Variants in RAP1GAP observed in about 807,000 individuals in gnomAD.
RAP1GAP encodes rap1 GTPase-activating protein 1.
Under a neutral mutation model 87.2 loss-of-function variants are expected in RAP1GAP, and 35 were observed. The ratio of observed to expected loss-of-function variants is 0.40; its 90% confidence interval spans 0.31 to 0.53. The LOEUF (loss-of-function observed/expected upper bound fraction) is 0.53. Among genes scored for constraint, RAP1GAP ranks in the 20% least tolerant of loss-of-function variants. The pLI, the probability that RAP1GAP is intolerant of heterozygous loss-of-function variation, is 0.48. For synonymous variants in RAP1GAP, 375 were observed against 363.9 expected (o/e 1.03, Z -0.35); for missense variants, 734 against 898.9 (o/e 0.82, Z 2.35).
chr1:21,599,707 GC>G, intron 20 of RAP1GAP, 90 bp from the exon 21 acceptor site: 1 of 1,507,178 alleles, frequency 6.6e-7, no homozygotes, highest in Non-Finnish European at 8.8e-7. Flanking sequence ...AACCCGGGAG[GC>G]CCAGCTGGTA....
intron 1 of RAP1GAP, 129 bp from the exon 2 acceptor site, chr1:21,649,925 G>A: frequency 1.1e-6 from 1 of 911,918 alleles, no homozygotes; most frequent in South Asian, 1.5e-5. Context: ...TTCTAAGGAT[G>A]CCTGATGCAG....
chr1:21,629,687 G>A (rs2093323887), intron 2 of RAP1GAP, among the ~76,000 whole-genome samples: 1 of 152,226 alleles, frequency 6.6e-6, no homozygotes. Context: ...GTAGAAGAGG[G>A]ACAGGAATGA....
rs2078142392 is a variant in RAP1GAP, at chr1:21,611,352, C to A, written c.843+100G>T. 1.2e-5 allele frequency: 17 copies of A among 1,443,850 alleles called. No individual in the cohort carries two copies. The South Asian group carries it at 2.1e-4, about 18-fold the overall frequency. 89.4% of individuals were successfully genotyped at this position (1,443,850 alleles called of 1,614,324 possible). On this transcript the variant is annotated intron_variant, in intron 13 of 24. Transcript: ENST00000374765. ...GGCGCTGATCATTTCCATCTCCATC[C>A]CAGGGCCCAGCGCTGAGCCTGGCGT...
intron 2 of RAP1GAP, among the ~76,000 whole-genome samples, chr1:21,644,626 G>A (rs796955989): frequency 1.8e-4 from 28 of 152,244 alleles, no homozygotes; most frequent in South Asian, 6.2e-4. Context: ...CTGGCCGGGC[G>A]CGGTGGCTCA....
chr1:21,612,400 C>T (rs529967384), intron 10 of RAP1GAP, among the ~76,000 whole-genome samples: 1 of 152,086 alleles, frequency 6.6e-6, no homozygotes, highest in Non-Finnish European at 1.5e-5. Context: ...TTGCTGTGAG[C>T]CCCAGTCCTG....
At chr1:21,664,346 G>A (rs1353819035) in intron 1 of RAP1GAP, among the ~76,000 whole-genome samples, 1 of 152,168 alleles carries the variant, frequency 6.6e-6, no homozygotes, top group Non-Finnish European at 1.5e-5. Flanking sequence ...CTCATTCCAG[G>A]CTAGTGGGCT....
chr1:21,605,497 C>G (rs1336979260), intron 18 of RAP1GAP, among the ~76,000 whole-genome samples: 1 of 152,206 alleles, frequency 6.6e-6, no homozygotes, highest in Non-Finnish European at 1.5e-5. Context: ...CAGGGCTGCG[C>G]ACACAGTAGG....
chr1:21,628,445 C>T (rs1044605495), intron 2 of RAP1GAP, among the ~76,000 whole-genome samples: 2 of 137,558 alleles, frequency 1.5e-5, no homozygotes, highest in African/African-American at 5.7e-5. Context: ...ACAGGCTGGG[C>T]GTGGTGGCTC....
chr1:21,617,155 G>A (rs1325767058), intron 7 of RAP1GAP, 151 bp downstream of exon 7: 61 of 836,772 alleles, frequency 7.3e-5, no homozygotes, highest in Non-Finnish European at 1.1e-4. Context: ...CTGGGGACTG[G>A]GAGTGTGTGT....
At chr1:21,620,723 C>T (rs11588121) in intron 3 of RAP1GAP, among the ~76,000 whole-genome samples, 4,776 of 152,288 alleles carry the variant, frequency 0.031, 117 homozygotes, top group Non-Finnish European at 0.043. Context: ...GCTGGCCCGG[C>T]TCGGGGCTGG....
chr1:21,651,837 CGCCCG>C, intron 1 of RAP1GAP: 1 of 1,176,030 alleles, frequency 8.5e-7, no homozygotes, highest in Non-Finnish European at 1.0e-6. Flanking sequence ...CCGCCGCCGC[CGCCCG>C]GCCCGGCCCG....
rs183391017 is a variant in RAP1GAP at position 21,644,238 on chromosome 1, C to A, written c.-113+5523G>T. Reference sequence around the variant, plus strand: ...GCACCTGCTGCTCCCTCTGTCTGGACACCCTGCCAGCTCCCCCATGGCCAG... The same window carrying A: ...GCACCTGCTGCTCCCTCTGTCTGGAAACCCTGCCAGCTCCCCCATGGCCAG... On this transcript the variant is annotated intron_variant, in intron 2 of 24. Coordinates refer to ENST00000374765, the MANE Select transcript of RAP1GAP (RefSeq NM_002885.4). 5.3e-5 allele frequency among the ~76,000 whole-genome samples: 8 copies of A among 152,320 alleles called. No individual in the cohort carries two copies. In the East Asian group the frequency reaches 1.5e-3, roughly 29 times the overall value.
chr1:21,635,376 C>G lies in RAP1GAP; in HGVS notation c.-112-8979G>C, dbSNP rs112796200. On this transcript the variant is annotated intron_variant, in intron 2 of 24. Coordinates refer to ENST00000374765, the MANE Select transcript of RAP1GAP (RefSeq NM_002885.4). The stretch of plus-strand genomic sequence containing the variant: ...CCACTCGGTCATCTACCCACTCCCC[C>G]ATCTGCCCTTCATTCCTCTGCTCAG... Among the ~76,000 whole-genome samples, 848 of 152,344 alleles carry G rather than the reference C, an allele frequency of 5.6e-3. 4 individuals carry two copies. The highest frequency in any genetic ancestry group is 8.8e-3 in the Non-Finnish European group (602 of 68,034).
In RAP1GAP at chr1:21,598,411, C is replaced by A; in HGVS notation, c.1868G>T (p.Gly623Val). The A allele has an allele frequency of 1.2e-6, 2 of 1,613,128 alleles. No homozygotes were observed. Among genetic ancestry groups the A allele is most frequent in the Middle Eastern group, 1.7e-4 (1 of 6,058 alleles). ...LEDSVSTTSGGSSPGPSRSPH... is the reference protein window; with the variant it reads ...LEDSVSTTSGVSSPGPSRSPH... The stretch of plus-strand genomic sequence containing the variant: ...CCTTGTCCTGGTACCTGGGGAGCTG[C>A]CCCCACTAGTGGTGCTGACACTGTC... The change falls in exon 22 of 25, where the codon GGC (glycine) becomes GTC (valine). Residue 623 changes from glycine (G) to valine (V), a missense_variant. Physicochemically the swap from Gly to Val is moderately radical, Grantham distance 109. Around this residue, in one of 2 missense-constraint regions of RAP1GAP, gnomAD observed 249 missense variants for 252.7 expected, o/e 0.99. Coordinates refer to ENST00000374765, the MANE Select transcript of RAP1GAP (RefSeq NM_002885.4).
intron 12 of RAP1GAP, 55 bp from the exon 13 acceptor site, chr1:21,611,636 A>G (rs2078385430): frequency 6.2e-7 from 1 of 1,613,522 alleles, no homozygotes; most frequent in South Asian, 1.1e-5. Context: ...CCAGGCCTCC[A>G]TGGGGCCAGG....
intron 2 of RAP1GAP, among the ~76,000 whole-genome samples, chr1:21,645,821 C>CCT (rs1431211361): frequency 6.6e-6 from 1 of 152,250 alleles, no homozygotes; most frequent in African/African-American, 2.4e-5. Flanking sequence ...ATGAGGCCAG[C>CCT]CTTGTGCTTC....
rs185087269 is a variant in RAP1GAP, at chr1:21,597,306, T to G, written c.*35-42A>C. The G allele has an allele frequency of 5.7e-4, 118 of 206,584 alleles. 1 individual carries two copies. The East Asian group carries it at 0.012, about 21-fold the overall frequency. 12.8% of individuals were successfully genotyped at this position (206,584 alleles called of 1,614,324 possible). On this transcript the variant is annotated intron_variant, in intron 24 of 24. Transcript: ENST00000374765. ...GATGGAGACACCATGAAACATGGCATGGTGGGTGGCTGGCACCAGTGTGCC... is the reference window on the plus strand; with the variant it reads ...GATGGAGACACCATGAAACATGGCAGGGTGGGTGGCTGGCACCAGTGTGCC...
At position 21,617,926 on chromosome 1, in the gene RAP1GAP, C is replaced by T. The variant is rs781279395; in HGVS notation, c.105+8G>A. 1 of 1,614,168 alleles carries T rather than the reference C, an allele frequency of 6.2e-7. No individual in the cohort carries two copies. The highest frequency in any genetic ancestry group is 8.5e-7 in the Non-Finnish European group (1 of 1,180,012). On this transcript the variant is annotated splice_region_variant and intron_variant, in intron 6 of 24. Transcript: ENST00000374765. ...AGTAAGGGTGGGCGCGGGGTTCTAG[C>T]TGAGTACCTCGTGCACGCTCGGGTA... is the stretch of plus-strand genomic sequence containing the variant.
intron 1 of RAP1GAP, among the ~76,000 whole-genome samples, chr1:21,667,339 A>G (rs1018641094): frequency 5.3e-5 from 8 of 152,162 alleles, no homozygotes; most frequent in Non-Finnish European, 1.2e-4. Context: ...CAAAGGAAGA[A>G]TCCTTCTTGT....
Sources: allele counts gnomAD v4.1 joint callset (sites outside exome capture counted in the v4.1 genomes callset), GRCh38; gene constraint gnomAD v4.1.1; regional missense constraint gnomAD v4.1.1; transcripts MANE v1.5; gene names NCBI Gene and HGNC (gene_info 2026-07-23, HGNC 2026-07-21).